AMD1: variants seen among roughly 807,000 people sequenced by gnomAD.
AMD1 encodes the protein adenosylmethionine decarboxylase 1, also known as S-adenosylmethionine decarboxylase proenzyme.
AMD1 carries 11 observed loss-of-function variants against 40.2 expected under a neutral mutation model. The ratio of observed to expected loss-of-function variants is 0.27; its 90% CI spans 0.17 to 0.45. AMD1 has a LOEUF of 0.45. Ranked by LOEUF, AMD1 falls within the 20% of genes least tolerant of loss-of-function variation. The pLI, the probability that AMD1 is intolerant of heterozygous loss-of-function variation, is 1.00. For synonymous variants in AMD1, 121 were observed against 130.8 expected, an observed-to-expected ratio of 0.93 and a Z score of 0.51; for missense variants, 257 against 410.2, an observed-to-expected ratio of 0.63 and a Z score of 3.23.
At chr6:110,838,140 G>A in the AMD1 span, among the ~76,000 whole-genome samples, 1 of 150,802 alleles carries the variant, frequency 6.6e-6, no homozygotes, top group East Asian at 2.0e-4. Context: ...TGTAATCCTA[G>A]CACTTTGGGA....
At chr6:110,852,117 A>G in the AMD1 span, among the ~76,000 whole-genome samples, 2 of 148,694 alleles carry the variant, frequency 1.3e-5, no homozygotes, top group Non-Finnish European at 3.0e-5. Flanking sequence ...CAGTTGTGGG[A>G]ACATGGCTCA....
chr6:110,846,913 AT>A, the AMD1 span, among the ~76,000 whole-genome samples: 7 of 151,794 alleles, frequency 4.6e-5, no homozygotes. Flanking sequence ...TCTTAATTGC[AT>A]TTTTTTCTGC....
At position 110,890,386 on chromosome 6, in the gene AMD1, T is replaced by G. The variant is rs201030223; in HGVS notation, c.427+30T>G. 14 of 1,490,174 alleles carry G rather than the reference T, an allele frequency of 9.4e-6. No individual in the cohort carries two copies. In the East Asian group the frequency reaches 2.5e-4, roughly 27 times the overall value. The allele number at this position is 1,490,174 out of a possible 1,614,324, so 92.3% of individuals were successfully genotyped here. On this transcript the variant is annotated intron_variant, in intron 4 of 8. Transcript: ENST00000368885. The stretch of plus-strand genomic sequence containing the variant: ...GTTTAAATAAAATATAAACCTGTTG[T>G]CTTCTTAAAGATAGAAAGTGCAACC...
the AMD1 span, among the ~76,000 whole-genome samples, chr6:110,831,590 C>A: frequency 6.6e-6 from 1 of 152,140 alleles, no homozygotes; most frequent in Non-Finnish European, 1.5e-5. Context: ...CCACCACGCC[C>A]AGCCTTGAGG....
rs1785729541 is a variant in AMD1, at chr6:110,887,015, G to A, written c.111-490G>A. On this transcript the variant is annotated intron_variant, in intron 1 of 8. Transcript: ENST00000368885. Reference sequence around the variant, plus strand: ...TTCCCAAAATCTTCTAGGTATGCTTGTAATTGGCAGTCATTCCAGTTTTTT... The same window carrying A: ...TTCCCAAAATCTTCTAGGTATGCTTATAATTGGCAGTCATTCCAGTTTTTT... 2.0e-5 allele frequency among the ~76,000 whole-genome samples: 3 copies of A among 152,148 alleles called. No homozygotes were observed. In the South Asian group the frequency reaches 6.2e-4, roughly 32 times the overall value.
the AMD1 span, among the ~76,000 whole-genome samples, chr6:110,859,735 G>A: frequency 3.9e-5 from 6 of 152,080 alleles, 1 homozygote; most frequent in African/African-American, 1.4e-4. Flanking sequence ...GGGGCCCGGT[G>A]AGGAAAGTGA....
At chr6:110,819,184 C>A in the AMD1 span, among the ~76,000 whole-genome samples, 1 of 152,048 alleles carries the variant, frequency 6.6e-6, no homozygotes, top group Admixed American at 6.6e-5. Flanking sequence ...ACGGAGAAAC[C>A]CCGTCTCTAC....
the AMD1 span, among the ~76,000 whole-genome samples, chr6:110,840,837 G>C: frequency 1.3e-5 from 2 of 152,050 alleles, no homozygotes; most frequent in African/African-American, 4.8e-5. Flanking sequence ...CCTGAGGCCT[G>C]CCCAACACAC....
chr6:110,888,426 C>G (rs1785819982), intron 2 of AMD1: 1 of 153,018 alleles, frequency 6.5e-6, no homozygotes, highest in Non-Finnish European at 1.5e-5. Flanking sequence ...ATTTTCTTGC[C>G]TCAGCCTCCC....
At chr6:110,815,833 C>T in the AMD1 span, 2 of 152,502 alleles carry the variant, frequency 1.3e-5, no homozygotes, top group Non-Finnish European at 2.9e-5. Context: ...GCTGCAGTGA[C>T]TCGGGAGGCG....
chr6:110,853,278 A>G, the AMD1 span, among the ~76,000 whole-genome samples: 1 of 149,714 alleles, frequency 6.7e-6, no homozygotes, highest in East Asian at 2.0e-4. Flanking sequence ...GTGTACTACC[A>G]TGTTCAGCGA....
chr6:110,891,088 C>G (rs192439536), intron 4 of AMD1: 1 of 152,330 alleles, frequency 6.6e-6, no homozygotes, highest in African/African-American at 2.4e-5. Flanking sequence ...TTATGTCTCA[C>G]TCAGTGGTTC....
chr6:110,873,507 T>A (rs1299456401), upstream of AMD1, among the ~76,000 whole-genome samples: 4 of 152,194 alleles, frequency 2.6e-5, no homozygotes, highest in Admixed American at 6.5e-5. Context: ...ACCCAAACCA[T>A]GTCTTTTTCA....
chr6:110,845,792 G>A, the AMD1 span, among the ~76,000 whole-genome samples: 37 of 152,234 alleles, frequency 2.4e-4, no homozygotes, highest in African/African-American at 5.5e-4. Flanking sequence ...GTGGGACTTC[G>A]CCTTGTGATC....
At chr6:110,850,427 G>A in the AMD1 span, among the ~76,000 whole-genome samples, 1 of 152,086 alleles carries the variant, frequency 6.6e-6, no homozygotes, top group Non-Finnish European at 1.5e-5. Flanking sequence ...CAGAAAACTG[G>A]TTTCTCTGTT....
chr6:110,892,518 T>C, intron 6 of AMD1, 75 bp downstream of exon 6: 1 of 1,588,236 alleles, frequency 6.3e-7, no homozygotes, highest in East Asian at 2.2e-5. Flanking sequence ...TTCTGTAACT[T>C]TTAAGTTCAG....
chr6:110,832,010 A>G, the AMD1 span, among the ~76,000 whole-genome samples: 1 of 128,258 alleles, frequency 7.8e-6, no homozygotes, highest in Non-Finnish European at 1.6e-5. Flanking sequence ...TGCCTGGCTA[A>G]TTTTTTTTTT....
chr6:110,815,167 C>CG, the AMD1 span: 1 of 1,535,280 alleles, frequency 6.5e-7, no homozygotes, highest in Non-Finnish European at 8.8e-7. Context: ...GCACGGGACG[C>CG]GGGGGCCGCC....
At position 110,875,054 on chromosome 6, in the gene AMD1, T is replaced by A. The variant is rs200485358; in HGVS notation, c.-52T>A. 2.1e-6 allele frequency: 3 copies of A among 1,407,318 alleles called. No homozygotes were observed. In the African/African-American group the frequency reaches 4.4e-5, roughly 21 times the overall value. 87.2% of individuals were successfully genotyped at this position (1,407,318 alleles called of 1,614,324 possible). A position where few individuals can be genotyped will look rare whatever the true frequency, so the allele number is the denominator to read the frequency against. ...GCGGCGGCAGCGGCGGGAGAAGAGG[T>A]TTAATTTAGTTGATTTTCTGTGGTT... On this transcript the variant is annotated 5_prime_UTR_variant, in exon 1 of 9. Coordinates refer to ENST00000368885, the MANE Select transcript of AMD1 (RefSeq NM_001634.6).
Sources: allele counts gnomAD v4.1 joint callset (sites outside exome capture counted in the v4.1 genomes callset), GRCh38; gene constraint gnomAD v4.1.1; transcripts MANE v1.5; gene names NCBI Gene and HGNC (gene_info 2026-07-23, HGNC 2026-07-21).